Variants in MYLK3 observed in about 807,000 individuals in gnomAD.
The protein encoded by MYLK3 is myosin light chain kinase 3.
A neutral mutation model predicts 76.3 loss-of-function variants in MYLK3; 55 were observed. The ratio of observed to expected loss-of-function variants is 0.72; its 90% CI spans 0.58 to 0.90. The LOEUF is 0.90. MYLK3 is among the 40% of genes least tolerant of loss of function. The pLI is 0.00. For missense variants in MYLK3, 973 were observed against 1,053.6 expected (o/e 0.92, Z 1.06); for synonymous variants, 416 against 425.4 (o/e 0.98, Z 0.27).
chr16:46,750,523 G>C (rs753684534), upstream of MYLK3, among the ~76,000 whole-genome samples: 1 of 152,084 alleles, frequency 6.6e-6, no homozygotes, highest in Non-Finnish European at 1.5e-5. Flanking sequence ...GTGAAACACC[G>C]TCTCTACTGA....
intron 9 of MYLK3, among the ~76,000 whole-genome samples, chr16:46,714,301 T>TA (rs1482245780): frequency 2.0e-5 from 3 of 152,106 alleles, no homozygotes; most frequent in African/African-American, 7.2e-5. Flanking sequence ...ATAACAATAA[T>TA]AAAATAAATA....
Position 46,705,059 on chromosome 16 carries a change from G to A in MYLK3, c.*2645C>T, listed in dbSNP as rs187534958. 1 of 152,306 alleles carries A rather than the reference G, an allele frequency of 6.6e-6. No homozygotes were observed. Among genetic ancestry groups the A allele is most frequent in the African/African-American group, 2.4e-5 (1 of 41,566 alleles). The allele number at this position is 152,306 out of a possible 1,614,324, so 9.4% of individuals were successfully genotyped here. A position where few individuals can be genotyped will look rare whatever the true frequency, so the allele number is the denominator to read the frequency against. ...TATTGAAACTGTTAGTTCCCAACAA[G>A]GGTTAGCCTTCCAGAGGAAACTTAA... is the stretch of plus-strand genomic sequence containing the variant. On this transcript the variant is annotated 3_prime_UTR_variant, in exon 13 of 13. Transcript: ENST00000394809.
At chr16:46,736,882 A>G (rs1391133264) in intron 3 of MYLK3, among the ~76,000 whole-genome samples, 1 of 151,952 alleles carries the variant, frequency 6.6e-6, no homozygotes, top group Non-Finnish European at 1.5e-5. Flanking sequence ...TGGGGAGGGC[A>G]TGAGAGTCTG....
Position 46,744,356 on chromosome 16 carries a change from T to TTA in MYLK3, c.477+3360_477+3361insTA, listed in dbSNP as rs1966985374. Among the ~76,000 whole-genome samples the TTA allele has an allele frequency of 1.4e-5, 2 of 141,000 alleles. 1 individual carries two copies. The highest frequency in any genetic ancestry group is 3.1e-5 in the Non-Finnish European group (2 of 65,506). 92.5% of individuals were successfully genotyped at this position (141,000 alleles called of 152,430 possible). On this transcript the variant is annotated intron_variant, in intron 1 of 12. Coordinates refer to ENST00000394809, the MANE Select transcript of MYLK3 (RefSeq NM_182493.3). ...TTTTTTTTTTTTTTTTTTTTTTTTT[T>TTA]AAGATGGTGTTTTTGCTCTTATTGC...
intron 5 of MYLK3, among the ~76,000 whole-genome samples, chr16:46,730,092 A>G (rs1395956984): frequency 7.5e-6 from 1 of 134,202 alleles, no homozygotes; most frequent in African/African-American, 2.9e-5. Context: ...CCCAGGGAAC[A>G]TCTCCTCACC....
intron 3 of MYLK3, among the ~76,000 whole-genome samples, chr16:46,736,547 C>T (rs960522381): frequency 6.6e-6 from 1 of 152,160 alleles, no homozygotes; most frequent in Non-Finnish European, 1.5e-5. Context: ...AGACAGTTCA[C>T]CCCCAGCCCC....
At chr16:46,724,022 T>G (rs1966825622) in intron 8 of MYLK3, among the ~76,000 whole-genome samples, 1 of 152,240 alleles carries the variant, frequency 6.6e-6, no homozygotes, top group Non-Finnish European at 1.5e-5. Context: ...TAGTATCTCA[T>G]TCTGATTTTG....
At chr16:46,762,276 C>T (rs561198970) in intron 1 of MYLK3, among the ~76,000 whole-genome samples, 3 of 152,210 alleles carry the variant, frequency 2.0e-5, no homozygotes, top group African/African-American at 4.8e-5. Flanking sequence ...TGGTTCATTC[C>T]GCCTGTGAGA....
At chr16:46,756,365 C>G (rs1167013918) in intron 1 of MYLK3, among the ~76,000 whole-genome samples, 1 of 152,180 alleles carries the variant, frequency 6.6e-6, no homozygotes, top group Non-Finnish European at 1.5e-5. Flanking sequence ...TGTGAGAAAG[C>G]TAAGTCCTCA....
intron 6 of MYLK3, 65 bp downstream of exon 6, chr16:46,729,529 G>A (rs943755836): frequency 7.1e-7 from 1 of 1,401,846 alleles, no homozygotes; most frequent in African/African-American, 1.4e-5. Context: ...GAGCCTGGGG[G>A]CCCTGAGGGA....
intron 3 of MYLK3, among the ~76,000 whole-genome samples, chr16:46,734,650 A>G (rs1173888251): frequency 2.0e-5 from 3 of 152,052 alleles, no homozygotes; most frequent in African/African-American, 7.2e-5. Context: ...CAAATCCTGT[A>G]TGATTCCACT....
intron 9 of MYLK3, among the ~76,000 whole-genome samples, chr16:46,719,366 A>T (rs954676146): frequency 6.6e-6 from 1 of 152,100 alleles, no homozygotes; most frequent in Non-Finnish European, 1.5e-5. Context: ...TCCCAGAGAA[A>T]TGTCATTCTC....
chr16:46,757,574 G>A (rs1006706041), intron 1 of MYLK3: 8 of 985,312 alleles, frequency 8.1e-6, no homozygotes, highest in Admixed American at 6.1e-5. Context: ...CTGCCCAAAC[G>A]CCCGGAGCGC....
intron 9 of MYLK3, among the ~76,000 whole-genome samples, chr16:46,719,219 T>C (rs1966774960): frequency 6.7e-6 from 1 of 150,336 alleles, no homozygotes; most frequent in South Asian, 2.1e-4. Context: ...CCCAGCTACT[T>C]GGGAAGCGGA....
chr16:46,734,841 T>C (rs1245889860), intron 3 of MYLK3, among the ~76,000 whole-genome samples: 1 of 152,028 alleles, frequency 6.6e-6, no homozygotes, highest in African/African-American at 2.4e-5. Context: ...GAGTGTACAC[T>C]TTTAAAAGGT....
At chr16:46,753,023 G>A (rs1967146792), upstream of MYLK3, among the ~76,000 whole-genome samples, 1 of 152,228 alleles carries the variant, frequency 6.6e-6, no homozygotes, top group African/African-American at 2.4e-5. Context: ...CAGAATGGAA[G>A]GGGCCATTGG....
chr16:46,721,213 G>A lies in MYLK3; in HGVS notation c.1915-20C>T. ...CTCCGGCTGGGAAAGAAAGAAGTCT[G>A]CTTAGCCCAAGCAATAGCTGAGGAG... On this transcript the variant is annotated intron_variant, in intron 8 of 12. Transcript: ENST00000394809. 1 of 1,613,370 alleles carries A rather than the reference G, an allele frequency of 6.2e-7. No homozygotes were observed. Among genetic ancestry groups the A allele is most frequent in the Non-Finnish European group, 8.5e-7 (1 of 1,179,244 alleles).
intron 5 of MYLK3, 54 bp downstream of exon 5, chr16:46,730,539 C>T: frequency 6.7e-7 from 1 of 1,492,576 alleles, no homozygotes; most frequent in South Asian, 1.1e-5. Context: ...TGGTCCCGAC[C>T]CTGCCCCGTG....
intron 9 of MYLK3, among the ~76,000 whole-genome samples, chr16:46,713,725 G>A (rs547733619): frequency 6.6e-6 from 1 of 152,128 alleles, no homozygotes; most frequent in African/African-American, 2.4e-5. Context: ...TTTGGCAGAC[G>A]TCTCCCCAGT....
Sources: gnomAD v4.1 joint callset for allele counts (sites outside exome capture counted in the v4.1 genomes callset) on GRCh38, gnomAD v4.1.1 for gene constraint, MANE v1.5 for transcripts, NCBI Gene and HGNC (gene_info 2026-07-23, HGNC 2026-07-21) for gene names.